Variants in TMCC1 observed in about 807,000 individuals in gnomAD.
TMCC1 encodes the protein transmembrane and coiled-coil domain family 1, also known as transmembrane and coiled-coil domains protein 1.
TMCC1 carries 15 observed loss-of-function variants against 52.4 expected under a neutral mutation model. The observed-to-expected ratio is 0.29, with a 90% CI of 0.19 to 0.44. The LOEUF (loss-of-function observed/expected upper bound fraction) is 0.44. Ranked by LOEUF, TMCC1 falls within the 20% of genes least tolerant of loss-of-function variation. TMCC1 has a pLI of 1.00. For missense variants in TMCC1, 503 were observed against 806.0 expected, an observed-to-expected ratio of 0.62 and a Z score of 4.55; for synonymous variants, 279 against 301.9, an observed-to-expected ratio of 0.92 and a Z score of 0.79.
chr3:129,725,357 C>T (rs979433652), intron 4 of TMCC1, among the ~76,000 whole-genome samples: 1 of 152,186 alleles, frequency 6.6e-6, no homozygotes, highest in African/African-American at 2.4e-5. Flanking sequence ...GATCCTCCTG[C>T]CTTGGCCTCC....
At position 129,714,624 on chromosome 3, in the gene TMCC1, A is replaced by T. The variant is rs547720190; in HGVS notation, c.577-43360T>A. On this transcript the variant is annotated intron_variant, in intron 4 of 6. Coordinates refer to ENST00000393238, the MANE Select transcript of TMCC1 (RefSeq NM_001017395.5). ...TTAGAACTTTTGGAGCCCAGAAAAG[A>T]TCTTTTCCTTGAAGTTGCAATCAGG... Among the ~76,000 whole-genome samples the T allele has an allele frequency of 3.9e-5, 6 of 152,316 alleles. No homozygotes were observed. In the East Asian group the frequency reaches 1.2e-3, roughly 29 times the overall value.
chr3:129,702,666 G>A (rs1158016545), intron 4 of TMCC1, among the ~76,000 whole-genome samples: 7 of 152,090 alleles, frequency 4.6e-5, no homozygotes, highest in Admixed American at 3.3e-4. Flanking sequence ...TACCAAGTAT[G>A]TTGTCTCAGT....
intron 4 of TMCC1, among the ~76,000 whole-genome samples, chr3:129,813,310 A>C (rs1368338893): frequency 6.6e-6 from 1 of 152,132 alleles, no homozygotes; most frequent in Non-Finnish European, 1.5e-5. Flanking sequence ...CCTATTATGT[A>C]TTTTCCCAAA....
At chr3:129,881,311 T>C (rs1394996794) in intron 1 of TMCC1, among the ~76,000 whole-genome samples, 1 of 152,162 alleles carries the variant, frequency 6.6e-6, no homozygotes, top group East Asian at 1.9e-4. Context: ...CTGATAATAG[T>C]AAAGAAAATA....
chr3:129,825,313 G>T (rs2058610917), intron 4 of TMCC1, among the ~76,000 whole-genome samples: 1 of 152,162 alleles, frequency 6.6e-6, no homozygotes, highest in Admixed American at 6.5e-5. Context: ...TCCAGGTACA[G>T]CCAGGCATTA....
intron 5 of TMCC1, among the ~76,000 whole-genome samples, chr3:129,657,990 T>C (rs1422010212): frequency 6.6e-6 from 1 of 152,202 alleles, no homozygotes; most frequent in Admixed American, 6.5e-5. Context: ...TGCCAAAAAG[T>C]ATAAACAACC....
chr3:129,788,817 T>C (rs1279583746), intron 4 of TMCC1, among the ~76,000 whole-genome samples: 1 of 152,158 alleles, frequency 6.6e-6, no homozygotes, highest in African/African-American at 2.4e-5. Flanking sequence ...AATCTTCCTA[T>C]TCTGGTTTTG....
intron 4 of TMCC1, among the ~76,000 whole-genome samples, chr3:129,711,904 A>G (rs1017844048): frequency 6.9e-6 from 1 of 144,704 alleles, no homozygotes; most frequent in African/African-American, 2.5e-5. Flanking sequence ...AAGGAGGCTG[A>G]GGCAGGAGAA....
At chr3:129,736,800 G>A (rs1029404075) in intron 4 of TMCC1, among the ~76,000 whole-genome samples, 3 of 151,992 alleles carry the variant, frequency 2.0e-5, no homozygotes, top group Admixed American at 2.0e-4. Context: ...GATTACAAGC[G>A]TGAGCCACTG....
At chr3:129,809,094 A>G (rs1157940733) in intron 4 of TMCC1, among the ~76,000 whole-genome samples, 2 of 151,716 alleles carry the variant, frequency 1.3e-5, no homozygotes, top group Non-Finnish European at 2.9e-5. Flanking sequence ...AAAAATACAA[A>G]AAGTTAGCTG....
At chr3:129,859,263 C>T (rs1427659083) in intron 2 of TMCC1, among the ~76,000 whole-genome samples, 2 of 152,072 alleles carry the variant, frequency 1.3e-5, no homozygotes, top group Non-Finnish European at 2.9e-5. Flanking sequence ...GTTTTTATTG[C>T]TTAAACTTAT....
intron 4 of TMCC1, among the ~76,000 whole-genome samples, chr3:129,807,788 G>A (rs1230934319): frequency 6.6e-6 from 1 of 152,066 alleles, no homozygotes; most frequent in African/African-American, 2.4e-5. Flanking sequence ...ATTTTGGAAT[G>A]GGCATAATTT....
chr3:129,760,789 T>C (rs532157257), intron 4 of TMCC1, among the ~76,000 whole-genome samples: 3 of 151,760 alleles, frequency 2.0e-5, no homozygotes, highest in Admixed American at 2.0e-4. Context: ...TTTTTGTATT[T>C]TTTGTAGAGA....
In TMCC1 at chr3:129,680,536, C is replaced by T. The variant is rs561796082; in HGVS notation, c.577-9272G>A. Among the ~76,000 whole-genome samples the T allele has an allele frequency of 2.7e-4, 41 of 152,266 alleles. 1 individual carries two copies. The highest frequency in any genetic ancestry group is 8.9e-4 in the African/African-American group (37 of 41,542). ...GCTTTAGAGTCCTTGCTATTCACTG[C>T]GTCGCTTGTCATAAGTCATAACCAC... On this transcript the variant is annotated intron_variant, in intron 4 of 6. Coordinates refer to ENST00000393238, the MANE Select transcript of TMCC1 (RefSeq NM_001017395.5).
In TMCC1 at chr3:129,741,720, C is replaced by G. The variant is rs1306187882; in HGVS notation, c.577-70456G>C. 3.3e-5 allele frequency among the ~76,000 whole-genome samples: 5 copies of G among 152,132 alleles called. No homozygotes were observed. The East Asian group carries it at 9.6e-4, about 29-fold the overall frequency. ...GCAGCTCTCATATACTTAAACTTGT[C>G]TCCATTTCTCCACACACTTATTATA... On this transcript the variant is annotated intron_variant, in intron 4 of 6. Coordinates refer to ENST00000393238, the MANE Select transcript of TMCC1 (RefSeq NM_001017395.5).
chr3:129,797,467 C>G (rs1448917760), intron 4 of TMCC1, among the ~76,000 whole-genome samples: 1 of 152,130 alleles, frequency 6.6e-6, no homozygotes, highest in Non-Finnish European at 1.5e-5. Flanking sequence ...TTAGGCTGGG[C>G]ATGTGTGCTT....
chr3:129,799,291 T>A (rs2057038525), intron 4 of TMCC1, among the ~76,000 whole-genome samples: 1 of 152,180 alleles, frequency 6.6e-6, no homozygotes, highest in Non-Finnish European at 1.5e-5. Flanking sequence ...GTATCATGCG[T>A]TACCTGCAGT....
In TMCC1 at chr3:129,841,584, AAATAAT is replaced by A. The variant is rs370617810; in HGVS notation, c.-183-8764_-183-8759del. ...GGCAACAGAGTGAGACTCCCTCTCA[AAATAAT>A]AATAATAATAATGAAAATGTTCATT... On this transcript the variant is annotated intron_variant, in intron 2 of 6. Coordinates refer to ENST00000393238, the MANE Select transcript of TMCC1 (RefSeq NM_001017395.5). Among the ~76,000 whole-genome samples, 257 of 152,192 alleles carry A rather than the reference AAATAAT, an allele frequency of 1.7e-3. 12 individuals carry two copies. The East Asian group carries it at 0.023, about 14-fold the overall frequency.
intron 4 of TMCC1, among the ~76,000 whole-genome samples, chr3:129,691,853 TATA>T (rs2047051031): frequency 1.3e-5 from 2 of 152,206 alleles, no homozygotes; most frequent in Non-Finnish European, 2.9e-5. Context: ...TAAATTAGAT[TATA>T]ATGTCTCCTA....
Sources: allele counts gnomAD v4.1 joint callset (sites outside exome capture counted in the v4.1 genomes callset), GRCh38; gene constraint gnomAD v4.1.1; transcripts MANE v1.5; gene names NCBI Gene and HGNC (gene_info 2026-07-23, HGNC 2026-07-21).